MAP3K13: variants seen among roughly 807,000 people sequenced by gnomAD.
The protein encoded by MAP3K13 is leucine zipper-bearing kinase.
In MAP3K13, 52 loss-of-function variants were observed where a neutral mutation model predicts 104.0. The observed-to-expected ratio is 0.50, with a 90% CI of 0.40 to 0.63. MAP3K13 has a LOEUF of 0.63. Among genes scored for constraint, MAP3K13 ranks in the 20% least tolerant of loss-of-function variants. The pLI, the probability that MAP3K13 is intolerant of heterozygous loss-of-function variation, is 0.00. For missense variants in MAP3K13, 914 were observed against 1,218.5 expected (o/e 0.75, Z 3.72); for synonymous variants, 394 against 442.2 (o/e 0.89, Z 1.37).
At chr3:185,381,729 G>A (rs987707993) in intron 1 of MAP3K13, among the ~76,000 whole-genome samples, 11 of 152,166 alleles carry the variant, frequency 7.2e-5, no homozygotes, top group African/African-American at 2.2e-4. Context: ...GTTCCATTTA[G>A]GCATGAGTTA....
At chr3:185,455,843 GAGATATATATGAGATATAT>G (rs1716683795) in intron 7 of MAP3K13, among the ~76,000 whole-genome samples, 1 of 107,782 alleles carries the variant, frequency 9.3e-6, no homozygotes, top group Admixed American at 1.2e-4. Context: ...ATATATATAT[GAGATATATATGAGATATAT>G]ATGAGATATA....
intron 7 of MAP3K13, among the ~76,000 whole-genome samples, chr3:185,458,822 A>G (rs1238400001): frequency 2.6e-5 from 4 of 152,362 alleles, no homozygotes; most frequent in East Asian, 3.9e-4. Context: ...TTTTTCGTCA[A>G]CAGCACATGT....
chr3:185,371,475 C>T (rs139534708), intron 1 of MAP3K13, among the ~76,000 whole-genome samples: 197 of 152,298 alleles, frequency 1.3e-3, no homozygotes, highest in African/African-American at 4.4e-3. Flanking sequence ...TGTAGAACAT[C>T]CTGCTGACAG....
chr3:185,440,936 CAGAAGT>C (rs1174002120), intron 3 of MAP3K13, among the ~76,000 whole-genome samples: 3 of 152,184 alleles, frequency 2.0e-5, no homozygotes, highest in Admixed American at 6.5e-5. Context: ...GAGAACAAAA[CAGAAGT>C]AGAGTTACTA....
intron 1 of MAP3K13, among the ~76,000 whole-genome samples, chr3:185,385,800 C>T (rs914707788): frequency 3.3e-5 from 5 of 152,074 alleles, no homozygotes; most frequent in Non-Finnish European, 5.9e-5. Context: ...GTCAGGAGTT[C>T]GAGACCAGCT....
At chr3:185,326,985 C>T (rs528725107) in intron 2 of MAP3K13, among the ~76,000 whole-genome samples, 173 of 152,244 alleles carry the variant, frequency 1.1e-3, no homozygotes, top group Non-Finnish European at 2.1e-3. Flanking sequence ...TTTTCTATTG[C>T]TCCCATAACA....
chr3:185,293,891 A>G (rs1720830749), intron 2 of MAP3K13, among the ~76,000 whole-genome samples: 1 of 152,220 alleles, frequency 6.6e-6, no homozygotes, highest in Non-Finnish European at 1.5e-5. Flanking sequence ...TTTGTAGCAC[A>G]GAGAAAGCCT....
At chr3:185,291,621 A>G (rs1384998903) in intron 2 of MAP3K13, 1 of 1,525,532 alleles carries the variant, frequency 6.6e-7, no homozygotes, top group Admixed American at 2.1e-5. Flanking sequence ...AGCATCAAGT[A>G]CCACGTTTTT....
intron 1 of MAP3K13, chr3:185,417,369 A>G: frequency 9.7e-7 from 1 of 1,031,074 alleles, no homozygotes. Context: ...TAATCAAAAC[A>G]CTGATATATG....
chr3:185,357,379 C>T (rs1483613676), intron 2 of MAP3K13, among the ~76,000 whole-genome samples: 23 of 139,790 alleles, frequency 1.6e-4, no homozygotes, highest in African/African-American at 5.1e-4. Flanking sequence ...ACCCGGGAGG[C>T]GGAGGTTACG....
At chr3:185,386,820 T>C (rs1206601561) in intron 1 of MAP3K13, among the ~76,000 whole-genome samples, 1 of 152,184 alleles carries the variant, frequency 6.6e-6, no homozygotes, top group Admixed American at 6.5e-5. Context: ...AAATACCACA[T>C]GTTCTCACTT....
chr3:185,353,881 A>G (rs924120853), intron 2 of MAP3K13, among the ~76,000 whole-genome samples: 1 of 152,098 alleles, frequency 6.6e-6, no homozygotes, highest in Non-Finnish European at 1.5e-5. Flanking sequence ...GAAACTGACC[A>G]TAACCACACC....
intron 1 of MAP3K13, among the ~76,000 whole-genome samples, chr3:185,377,822 A>G (rs886419018): frequency 2.3e-4 from 35 of 152,372 alleles, no homozygotes; most frequent in Admixed American, 6.5e-4. Flanking sequence ...TAAGCCGAGA[A>G]GATCTGGGAA....
chr3:185,471,197 T>G (rs1031192071), intron 10 of MAP3K13, among the ~76,000 whole-genome samples: 3 of 152,170 alleles, frequency 2.0e-5, no homozygotes, highest in Admixed American at 6.5e-5. Context: ...TTTGGCTAAC[T>G]TTCTAAAACA....
chr3:185,380,653 A>G (rs536253364), intron 1 of MAP3K13, among the ~76,000 whole-genome samples: 3 of 152,268 alleles, frequency 2.0e-5, no homozygotes, highest in East Asian at 1.9e-4. Context: ...GGAATCCTTG[A>G]TTTATAGCAG....
chr3:185,477,901 G>A (rs1718221665), intron 12 of MAP3K13, among the ~76,000 whole-genome samples: 1 of 152,170 alleles, frequency 6.6e-6, no homozygotes, highest in Non-Finnish European at 1.5e-5. Flanking sequence ...TCCTCACATG[G>A]CAGAGAGAGC....
At chr3:185,462,491 G>T (rs1717163000) in intron 7 of MAP3K13, among the ~76,000 whole-genome samples, 1 of 151,954 alleles carries the variant, frequency 6.6e-6, no homozygotes, top group South Asian at 2.1e-4. Context: ...AACAAAACAG[G>T]GCCGGGTGCG....
chr3:185,415,747 C>T (rs1039760033), intron 1 of MAP3K13, among the ~76,000 whole-genome samples: 2 of 151,934 alleles, frequency 1.3e-5, no homozygotes, highest in African/African-American at 2.4e-5. Flanking sequence ...CCACACCCAG[C>T]TGATTTTGTA....
chr3:185,291,944 T>A (rs1190776476), intron 2 of MAP3K13: 1 of 1,123,044 alleles, frequency 8.9e-7, no homozygotes, highest in Non-Finnish European at 1.1e-6. Context: ...GGCCATAAGT[T>A]TTCATTGATA....
Sources: allele counts gnomAD v4.1 joint callset (sites outside exome capture counted in the v4.1 genomes callset), GRCh38; gene constraint gnomAD v4.1.1; transcripts MANE v1.5; gene names NCBI Gene and HGNC (gene_info 2026-07-23, HGNC 2026-07-21).